Variants in SV2C observed in about 807,000 individuals in gnomAD.
The protein encoded by SV2C is solute carrier family 22 member B3.
A neutral mutation model predicts 79.7 loss-of-function variants in SV2C; 49 were observed. That is an observed-to-expected ratio of 0.61 (90% CI 0.49 to 0.78). SV2C has a LOEUF of 0.78. Among genes scored for constraint, SV2C ranks in the 30% least tolerant of loss-of-function variants. The pLI is 0.00. For missense variants in SV2C, 833 were observed against 912.9 expected (o/e 0.91, Z 1.13); for synonymous variants, 334 against 333.2 (o/e 1.00, Z -0.03).
chr5:76,000,287 G>A, the SV2C span, among the ~76,000 whole-genome samples: 6 of 152,000 alleles, frequency 3.9e-5, no homozygotes, highest in Non-Finnish European at 7.4e-5. Context: ...CCCTCTCCAT[G>A]GCAAGCAGAG....
chr5:76,229,063 C>T (rs545560565), intron 4 of SV2C, among the ~76,000 whole-genome samples: 1 of 152,334 alleles, frequency 6.6e-6, no homozygotes, highest in East Asian at 1.9e-4. Flanking sequence ...CCCCTGCCCA[C>T]AAAACGTGTC....
chr5:76,000,231 G>T, the SV2C span, among the ~76,000 whole-genome samples: 1 of 152,038 alleles, frequency 6.6e-6, no homozygotes, highest in Non-Finnish European at 1.5e-5. Context: ...AACCAGCAAA[G>T]TTTCTAGTAA....
rs142939860 is a variant in SV2C, at chr5:76,219,788, A to G, written c.913+9901A>G. Among the ~76,000 whole-genome samples, 14 of 152,374 alleles carry G rather than the reference A, an allele frequency of 9.2e-5. 1 individual carries two copies. The East Asian group carries it at 2.7e-3, about 29-fold the overall frequency. ...TCTCACGCTGACCTTTGAGGTATGT[A>G]TAGTGAACTCAGAGGAGCTGCCTCC... On this transcript the variant is annotated intron_variant, in intron 4 of 12. Transcript: ENST00000502798.
intron 4 of SV2C, among the ~76,000 whole-genome samples, chr5:76,283,159 A>G (rs905118622): frequency 7.9e-5 from 12 of 152,148 alleles, no homozygotes; most frequent in African/African-American, 2.7e-4. Flanking sequence ...CTAAAAATAC[A>G]AAAATTAGCT....
chr5:76,107,614 A>C (rs566284830), intron 1 of SV2C, among the ~76,000 whole-genome samples: 10 of 152,344 alleles, frequency 6.6e-5, no homozygotes, highest in African/African-American at 2.4e-4. Context: ...CTGTAATCCT[A>C]GCAGTTTGGG....
chr5:75,977,013 A>C, the SV2C span, among the ~76,000 whole-genome samples: 1 of 152,264 alleles, frequency 6.6e-6, no homozygotes, highest in African/African-American at 2.4e-5. Context: ...CAAATGAAAC[A>C]GAAATGACAG....
At chr5:76,313,609 G>A (rs2112548396) in intron 12 of SV2C, among the ~76,000 whole-genome samples, 1 of 152,212 alleles carries the variant, frequency 6.6e-6, no homozygotes, top group Admixed American at 6.5e-5. Context: ...TGCATGAAAG[G>A]GCCATGTGCT....
intron 3 of SV2C, among the ~76,000 whole-genome samples, chr5:76,199,996 G>A (rs1037341851): frequency 2.6e-5 from 4 of 152,240 alleles, no homozygotes; most frequent in African/African-American, 4.8e-5. Context: ...ACCAGGATGA[G>A]TGTGCATGGG....
At chr5:75,935,685 T>C in the SV2C span, among the ~76,000 whole-genome samples, 1 of 152,246 alleles carries the variant, frequency 6.6e-6, no homozygotes, top group East Asian at 1.9e-4. Context: ...CGAATAAATA[T>C]AGTATTATAC....
chr5:75,973,185 G>A, the SV2C span, among the ~76,000 whole-genome samples: 1 of 151,668 alleles, frequency 6.6e-6, no homozygotes, highest in Non-Finnish European at 1.5e-5. Context: ...GTGGGGTGGG[G>A]AAGGGGGGAG....
intron 2 of SV2C, among the ~76,000 whole-genome samples, chr5:76,179,936 AAAC>A (rs1458054063): frequency 1.1e-4 from 10 of 90,530 alleles, no homozygotes; most frequent in Admixed American, 1.2e-4. Flanking sequence ...TGAACTTTAA[AAAC>A]AACAACAGAA....
chr5:76,347,413 C>T (rs1749564672), intron 12 of SV2C, among the ~76,000 whole-genome samples: 3 of 151,110 alleles, frequency 2.0e-5, no homozygotes. Flanking sequence ...CATGTACCTT[C>T]TTATTTCTTA....
chr5:76,149,781 G>T (rs1050170476), intron 2 of SV2C, among the ~76,000 whole-genome samples: 1 of 152,142 alleles, frequency 6.6e-6, no homozygotes, highest in African/African-American at 2.4e-5. Context: ...ATACACAGTG[G>T]GGGGACATCT....
the SV2C span, among the ~76,000 whole-genome samples, chr5:75,961,250 T>G: frequency 3.8e-4 from 58 of 152,130 alleles, no homozygotes; most frequent in African/African-American, 1.4e-3. Context: ...ATGTCTAGGT[T>G]TTCTGTCAAT....
chr5:75,963,910 G>C, the SV2C span, among the ~76,000 whole-genome samples: 1 of 151,514 alleles, frequency 6.6e-6, no homozygotes, highest in Non-Finnish European at 1.5e-5. Flanking sequence ...TTCATGTTCC[G>C]GTTCTTCTAT....
At chr5:76,152,842 C>T (rs946655444) in intron 2 of SV2C, among the ~76,000 whole-genome samples, 3 of 152,176 alleles carry the variant, frequency 2.0e-5, no homozygotes, top group Non-Finnish European at 4.4e-5. Context: ...AGTTATGTGG[C>T]TGATATTAAT....
chr5:75,978,562 G>T, the SV2C span, among the ~76,000 whole-genome samples: 1 of 151,998 alleles, frequency 6.6e-6, no homozygotes, highest in Non-Finnish European at 1.5e-5. Context: ...ATCTAGGAAG[G>T]GGTAATGAAG....
chr5:76,154,871 G>C (rs6898618), intron 2 of SV2C, among the ~76,000 whole-genome samples: 72,043 of 151,848 alleles, frequency 0.47, 17,311 homozygotes, highest in South Asian at 0.53. Flanking sequence ...TTCCAAAGAG[G>C]GTTTTGGGAC....
chr5:76,293,583 A>G (rs1193535482), intron 8 of SV2C, among the ~76,000 whole-genome samples: 1 of 152,104 alleles, frequency 6.6e-6, no homozygotes, highest in Non-Finnish European at 1.5e-5. Context: ...TTTGTGCCCC[A>G]TGTATGTGAC....
Sources: gnomAD v4.1 joint callset for allele counts (sites outside exome capture counted in the v4.1 genomes callset) on GRCh38, gnomAD v4.1.1 for gene constraint, MANE v1.5 for transcripts, NCBI Gene and HGNC (gene_info 2026-07-23, HGNC 2026-07-21) for gene names.